The following ABCA10 variants were observed in gnomAD, a reference collection of about 807,000 sequenced individuals.
ABCA10 encodes the protein ATP-binding cassette sub-family A member 10.
In ABCA10, 169 loss-of-function variants were observed where a neutral mutation model predicts 187.5. The ratio of observed to expected loss-of-function variants is 0.90; its 90% CI spans 0.80 to 1.02. ABCA10 has a LOEUF of 1.02. Among genes scored for constraint, ABCA10 ranks in the 50% least tolerant of loss-of-function variants. The pLI, the probability that ABCA10 is intolerant of heterozygous loss-of-function variation, is 0.00. For synonymous variants in ABCA10, 574 were observed against 601.8 expected (o/e 0.95, Z 0.68); for missense variants, 1,727 against 1,812.4 (o/e 0.95, Z 0.86).
intron 11 of ABCA10, 45 bp downstream of exon 11, chr17:69,197,019 A>AGGGGGGGGGGGG (rs1481163901): frequency 8.4e-7 from 1 of 1,194,714 alleles, no homozygotes; most frequent in Non-Finnish European, 1.1e-6. Flanking sequence ...AGGGAGGGGG[A>AGGGGGGGGGGGG]GGGGGAGAGG....
chr17:69,149,914 C>A lies in ABCA10; in HGVS notation c.4477+70G>T, dbSNP rs554167732. The stretch of plus-strand genomic sequence containing the variant: ...TATTTCATTGTTCTACTTCAAATTA[C>A]ATAGTCTATATTCCACATGAAAATA... On this transcript the variant is annotated intron_variant, in intron 37 of 38. Coordinates refer to ENST00000690296, the MANE Select transcript of ABCA10 (RefSeq NM_001377321.1). The A allele has an allele frequency of 4.6e-5, 54 of 1,175,048 alleles. No individual in the cohort carries two copies. In the East Asian group the frequency reaches 1.2e-3, roughly 27 times the overall value. 72.8% of individuals were successfully genotyped at this position (1,175,048 alleles called of 1,614,324 possible). A position where few individuals can be genotyped will look rare whatever the true frequency, so the allele number is the denominator to read the frequency against.
At chr17:69,207,543 A>G (rs2074600823) in intron 9 of ABCA10, among the ~76,000 whole-genome samples, 1 of 152,204 alleles carries the variant, frequency 6.6e-6, no homozygotes. Context: ...AGATATATAT[A>G]TATATACAAT....
upstream of ABCA10, among the ~76,000 whole-genome samples, chr17:69,230,398 C>A (rs1418748983): frequency 6.6e-6 from 1 of 152,082 alleles, no homozygotes; most frequent in African/African-American, 2.4e-5. Flanking sequence ...GCATTGCAGA[C>A]TTGTCACTCA....
At position 69,190,459 on chromosome 17, in the gene ABCA10, T is replaced by C. The variant is rs146275289; in HGVS notation, c.2030A>G (p.Asp677Gly). 2 of 1,578,348 alleles carry C rather than the reference T, an allele frequency of 1.3e-6. No individual in the cohort carries two copies. Among genetic ancestry groups the C allele is most frequent in the East Asian group, 2.3e-5 (1 of 42,618 alleles). ...CCTTATGCCCTGGTCAGAACACTTA[T>C]CAAGGTCACTGTAAAGATCTAAAAA... ...NKFPDLYSDL[D>G]KCSDQGIRNY... Residue 677 changes from aspartate to glycine, a missense_variant, in exon 18 of 39, where the codon GAT (aspartate) becomes GGT (glycine). Transcript: ENST00000690296.
At chr17:69,220,477 A>G (rs2074739725) in intron 5 of ABCA10, among the ~76,000 whole-genome samples, 1 of 152,178 alleles carries the variant, frequency 6.6e-6, no homozygotes. Context: ...GAGCTTAGAA[A>G]TAAGAGGCCA....
intron 1 of ABCA10, among the ~76,000 whole-genome samples, chr17:69,241,372 T>A (rs1289231893): frequency 1.3e-5 from 2 of 152,216 alleles, no homozygotes. Context: ...ACAGGTCTCT[T>A]GTGCTCTGTC....
chr17:69,188,783 T>C (rs1238418667), intron 18 of ABCA10, among the ~76,000 whole-genome samples: 3 of 152,032 alleles, frequency 2.0e-5, no homozygotes, highest in Non-Finnish European at 4.4e-5. Context: ...TGAGAACATA[T>C]GGTATTTGGT....
intron 18 of ABCA10, 141 bp from the exon 19 acceptor site, chr17:69,188,020 A>G: frequency 1.3e-6 from 1 of 742,606 alleles, no homozygotes; most frequent in Non-Finnish European, 2.2e-6. Flanking sequence ...AATTTACGTT[A>G]AAAATCTTTC....
chr17:69,154,420 CTTTTTT>C (rs56142812), intron 30 of ABCA10, 94 bp from the exon 31 acceptor site: 84 of 464,066 alleles, frequency 1.8e-4, no homozygotes, highest in Middle Eastern at 4.8e-4. Flanking sequence ...AACAAAATGA[CTTTTTT>C]TTTTTTTTTT....
At chr17:69,169,087 C>G (rs2144772695) in intron 25 of ABCA10, among the ~76,000 whole-genome samples, 1 of 152,276 alleles carries the variant, frequency 6.6e-6, no homozygotes, top group South Asian at 2.1e-4. Flanking sequence ...AGTTTATGCT[C>G]TTTTAAAATC....
At chr17:69,171,561 T>C (rs1249009423) in intron 25 of ABCA10, among the ~76,000 whole-genome samples, 2 of 152,178 alleles carry the variant, frequency 1.3e-5, no homozygotes, top group African/African-American at 2.4e-5. Context: ...TGAAGTGGTA[T>C]TGGCTGAGAA....
intron 25 of ABCA10, among the ~76,000 whole-genome samples, chr17:69,165,718 C>A (rs1468312135): frequency 6.6e-6 from 1 of 151,968 alleles, no homozygotes; most frequent in African/African-American, 2.4e-5. Flanking sequence ...TCTTGAATAA[C>A]ATTAGTTTAT....
At chr17:69,241,092 A>T (rs551934944) in intron 1 of ABCA10, among the ~76,000 whole-genome samples, 1 of 152,254 alleles carries the variant, frequency 6.6e-6, no homozygotes, top group South Asian at 2.1e-4. Flanking sequence ...CTTTCCCTCA[A>T]ATCCTCAAAC....
chr17:69,204,209 A>T (rs1369908744), intron 9 of ABCA10, among the ~76,000 whole-genome samples: 1 of 152,230 alleles, frequency 6.6e-6, no homozygotes, highest in Non-Finnish European at 1.5e-5. Flanking sequence ...TCTACATCAC[A>T]GACTCCTACT....
chr17:69,184,643 G>A (rs1183081484), intron 20 of ABCA10, among the ~76,000 whole-genome samples: 2 of 152,034 alleles, frequency 1.3e-5, no homozygotes, highest in Non-Finnish European at 2.9e-5. Context: ...AAAACAGTGT[G>A]GAGATTCCTT....
Position 69,149,021 on chromosome 17 carries a change from A to G in ABCA10, c.4533+12T>C, listed in dbSNP as rs373412638. 1.5e-5 allele frequency: 25 copies of G among 1,613,876 alleles called. No homozygotes were observed. The highest frequency in any genetic ancestry group is 1.4e-4 in the South Asian group (13 of 91,054). On this transcript the variant is annotated intron_variant, in intron 38 of 38. Coordinates refer to ENST00000690296, the MANE Select transcript of ABCA10 (RefSeq NM_001377321.1). ...CATCTGGATGGTGCTCACTCGTTCA[A>G]TGAAAACCCACCTGCTCCAAGGTAG...
In ABCA10 at chr17:69,210,839, T is replaced by TATATATA. The variant is rs1568069864; in HGVS notation, c.1006+3864_1006+3865insTATATAT. Among the ~76,000 whole-genome samples, 266 of 31,074 alleles carry TATATATA rather than the reference T, an allele frequency of 8.6e-3. 20 individuals are homozygous for TATATATA. The highest frequency in any genetic ancestry group is 0.017 in the African/African-American group (251 of 15,108). The allele number at this position is 31,074 out of a possible 152,430, so 20.4% of individuals were successfully genotyped here. A position where few individuals can be genotyped will look rare whatever the true frequency, so the allele number is the denominator to read the frequency against. On this transcript the variant is annotated intron_variant, in intron 9 of 38. Coordinates refer to ENST00000690296, the MANE Select transcript of ABCA10 (RefSeq NM_001377321.1). ...ATACATATATATATATGCCACATAT[T>TATATATA]TATGCCACATATATATATATATATA...
intron 1 of ABCA10, among the ~76,000 whole-genome samples, chr17:69,235,773 TAAAAAAAAG>T (rs1568079377): frequency 6.8e-6 from 1 of 146,504 alleles, no homozygotes; most frequent in Non-Finnish European, 1.5e-5. Context: ...TACTGAGATT[TAAAAAAAAG>T]AAAACAAAAA....
At chr17:69,161,541 C>T (rs1304886800) in intron 27 of ABCA10, among the ~76,000 whole-genome samples, 2 of 152,086 alleles carry the variant, frequency 1.3e-5, no homozygotes, top group African/African-American at 2.4e-5. Context: ...TGACGAAAGC[C>T]GCTTCTAGGC....
Sources: allele counts gnomAD v4.1 joint callset (sites outside exome capture counted in the v4.1 genomes callset), GRCh38; gene constraint gnomAD v4.1.1; transcripts MANE v1.5; gene names NCBI Gene and HGNC (gene_info 2026-07-23, HGNC 2026-07-21).